The following BPNT1 variants were observed in gnomAD, a reference collection of about 807,000 sequenced individuals.
BPNT1 encodes the protein 3'(2'), 5'-bisphosphate nucleotidase 1.
Under a neutral mutation model 36.9 loss-of-function variants are expected in BPNT1, and 28 were observed. The ratio of observed to expected loss-of-function variants is 0.76; its 90% CI spans 0.56 to 1.04. The LOEUF is 1.04. Among genes scored for constraint, BPNT1 ranks in the 50% least tolerant of loss-of-function variants. The pLI is 0.00. For synonymous variants in BPNT1, 119 were observed against 130.9 expected, an observed-to-expected ratio of 0.91 and a Z score of 0.62; for missense variants, 313 against 372.9, an observed-to-expected ratio of 0.84 and a Z score of 1.32.
chr1:220,058,928 A>G lies in BPNT1; in HGVS notation c.843T>C (p.Ser281=), dbSNP rs1361835664. 4 of 1,613,782 alleles carry G rather than the reference A, an allele frequency of 2.5e-6. No homozygotes were observed. In the African/African-American group the frequency reaches 5.3e-5, roughly 22 times the overall value. The change falls in exon 9 of 9, where the codon TCT becomes TCC. Residue 281 remains serine, a synonymous_variant. Transcript: ENST00000322067. ...QYHKDVKHMN[S]AGVLATLRNY... is the part of the protein sequence containing the mutation. Reference sequence around the variant, plus strand: ...TCCTCAGTGTGGCCAGGACTCCTGCAGAGTTCATATGCTTCACATCCTTGT... The same window carrying G: ...TCCTCAGTGTGGCCAGGACTCCTGCGGAGTTCATATGCTTCACATCCTTGT...
intron 5 of BPNT1, among the ~76,000 whole-genome samples, chr1:220,068,114 T>C (rs1053195485): frequency 6.6e-6 from 1 of 152,206 alleles, no homozygotes; most frequent in Non-Finnish European, 1.5e-5. Flanking sequence ...TTAAGCCATG[T>C]CCTGAGAGCC....
intron 7 of BPNT1, among the ~76,000 whole-genome samples, chr1:220,061,036 C>T (rs564718949): frequency 6.6e-6 from 1 of 152,296 alleles, no homozygotes; most frequent in South Asian, 2.1e-4. Flanking sequence ...CTTATAGTGG[C>T]TGTCCTTAGA....
intron 7 of BPNT1, among the ~76,000 whole-genome samples, chr1:220,061,740 C>A (rs937475711): frequency 6.6e-6 from 1 of 151,904 alleles, no homozygotes; most frequent in South Asian, 2.1e-4. Context: ...AAATTGGACA[C>A]GCTAAATTTG....
intron 6 of BPNT1, among the ~76,000 whole-genome samples, chr1:220,063,205 G>C (rs1039402108): frequency 5.3e-5 from 8 of 152,022 alleles, no homozygotes; most frequent in Non-Finnish European, 7.4e-5. Context: ...AAAATTAGCC[G>C]GGCATGGTGG....
intron 1 of BPNT1, among the ~76,000 whole-genome samples, chr1:220,082,532 T>C (rs1209168879): frequency 2.6e-5 from 4 of 152,066 alleles, no homozygotes; most frequent in South Asian, 2.1e-4. Flanking sequence ...GTCATTGTTC[T>C]ACCATGACTT....
chr1:220,088,267 G>A (rs1253376068), intron 1 of BPNT1, among the ~76,000 whole-genome samples: 3 of 151,808 alleles, frequency 2.0e-5, no homozygotes, highest in East Asian at 4.0e-4. Flanking sequence ...GCCAAGGCAG[G>A]TGAATCACCT....
intron 7 of BPNT1, among the ~76,000 whole-genome samples, chr1:220,061,128 C>G (rs897241957): frequency 2.6e-5 from 4 of 152,078 alleles, no homozygotes; most frequent in Non-Finnish European, 5.9e-5. Context: ...AAAGAGCTAG[C>G]TATGTTAATA....
chr1:220,086,423 C>T (rs1479206105), intron 1 of BPNT1, among the ~76,000 whole-genome samples: 1 of 152,030 alleles, frequency 6.6e-6, no homozygotes, highest in East Asian at 1.9e-4. Flanking sequence ...AGGCACGCAT[C>T]ACCACGCCTG....
intron 2 of BPNT1, among the ~76,000 whole-genome samples, chr1:220,075,758 GT>G (rs1432334873): frequency 6.6e-6 from 1 of 152,064 alleles, no homozygotes; most frequent in Non-Finnish European, 1.5e-5. Flanking sequence ...TGATTTTGCT[GT>G]TTTTTTAAAA....
intron 2 of BPNT1, among the ~76,000 whole-genome samples, chr1:220,074,367 A>C (rs1221074980): frequency 6.6e-6 from 1 of 152,228 alleles, no homozygotes; most frequent in East Asian, 1.9e-4. Flanking sequence ...GGAAATGTAT[A>C]ACTTTTCAAG....
chr1:220,066,085 C>CGAAT lies in BPNT1; in HGVS notation c.474+1216_474+1217insATTC. The stretch of plus-strand genomic sequence containing the variant: ...CTATTTTTCTCACCTTTGCTTCATT[C>CGAAT]CTGTGTTCCCTTAACTGCTGTTTTT... On this transcript the variant is annotated intron_variant, in intron 6 of 8. Coordinates refer to ENST00000322067, the MANE Select transcript of BPNT1 (RefSeq NM_006085.6). The CGAAT allele has an allele frequency of 2.6e-6, 4 of 1,523,390 alleles. No individual in the cohort carries two copies. The East Asian group carries it at 9.8e-5, about 37-fold the overall frequency. 94.4% of individuals were successfully genotyped at this position (1,523,390 alleles called of 1,614,324 possible).
chr1:220,067,236 TAAAG>T, intron 6 of BPNT1, 62 bp downstream of exon 6: 1 of 1,024,822 alleles, frequency 9.8e-7, no homozygotes, highest in Non-Finnish European at 1.4e-6. Flanking sequence ...TTAGGTAACA[TAAAG>T]AATCAGATAA....
At chr1:220,073,109 A>T in intron 3 of BPNT1, 152 bp from the exon 4 acceptor site, 1 of 703,444 alleles carries the variant, frequency 1.4e-6, no homozygotes, top group East Asian at 2.7e-5. Flanking sequence ...AAACCTTAAA[A>T]ATTTGCAAAA....
chr1:220,071,155 C>T (rs1466308337), intron 4 of BPNT1, among the ~76,000 whole-genome samples: 1 of 151,910 alleles, frequency 6.6e-6, no homozygotes, highest in Non-Finnish European at 1.5e-5. Flanking sequence ...CCACCATGCC[C>T]AGCCCCACCA....
rs190237832 is a variant in BPNT1, at chr1:220,079,330, G to A, written c.120+397C>T. The stretch of plus-strand genomic sequence containing the variant: ...TGCAATGGCGCAATCTCGGCTCACT[G>A]CAACCTCTGCCTCCCGGGTTCAAGC... On this transcript the variant is annotated intron_variant, in intron 2 of 8. Transcript: ENST00000322067. 2.0e-5 allele frequency among the ~76,000 whole-genome samples: 3 copies of A among 151,966 alleles called. No homozygotes were observed. The East Asian group carries it at 5.8e-4, about 30-fold the overall frequency.
At chr1:220,078,456 A>G (rs1664783296) in intron 2 of BPNT1, among the ~76,000 whole-genome samples, 1 of 124,210 alleles carries the variant, frequency 8.1e-6, no homozygotes, top group Non-Finnish European at 1.6e-5. Context: ...ATACTTATAT[A>G]TAAATAATAA....
In BPNT1 at chr1:220,073,986, A is replaced by T. The variant is rs1664318463; in HGVS notation, c.206T>A (p.Leu69His). 1 of 1,613,798 alleles carries T rather than the reference A, an allele frequency of 6.2e-7. No homozygotes were observed. Among genetic ancestry groups the T allele is most frequent in the Non-Finnish European group, 8.5e-7 (1 of 1,179,968 alleles). The change falls in exon 3 of 9, where the codon CTC becomes CAC. Residue 69 changes from leucine to histidine, a missense_variant. Physicochemically the swap from Leu to His is moderately conservative, Grantham distance 99 (BLOSUM62 -3). Transcript: ENST00000322067. The part of the protein sequence containing the change: ...CSSLARKFPK[L>H]TIIGEEDLPS... ...GCTTACCTCTTCCCCTATAATTGTGAGTTTGGGGAATTTCCGGGCCAATGA... is the reference window on the plus strand; with the variant it reads ...GCTTACCTCTTCCCCTATAATTGTGTGTTTGGGGAATTTCCGGGCCAATGA...
At chr1:220,086,186 G>A (rs1655701583) in intron 1 of BPNT1, among the ~76,000 whole-genome samples, 1 of 152,118 alleles carries the variant, frequency 6.6e-6, no homozygotes, top group Admixed American at 6.6e-5. Context: ...TGCAGAAATA[G>A]AACCGAACAC....
chr1:220,060,037 A>G (rs1356486337), intron 7 of BPNT1, among the ~76,000 whole-genome samples: 1 of 152,260 alleles, frequency 6.6e-6, no homozygotes, highest in Non-Finnish European at 1.5e-5. Context: ...AAAGCTACAA[A>G]GAGGATATCT....
Sources: gnomAD v4.1 joint callset for allele counts (sites outside exome capture counted in the v4.1 genomes callset) on GRCh38, gnomAD v4.1.1 for gene constraint, MANE v1.5 for transcripts, NCBI Gene and HGNC (gene_info 2026-07-23, HGNC 2026-07-21) for gene names.